Variants in PRR16 observed in about 807,000 individuals in gnomAD.
The protein encoded by PRR16 is protein Largen.
Under a neutral mutation model 18.2 loss-of-function variants are expected in PRR16, and 6 were observed. The ratio of observed to expected loss-of-function variants is 0.33; its 90% CI spans 0.18 to 0.65. The LOEUF (loss-of-function observed/expected upper bound fraction) is 0.65, where lower values mean the gene tolerates loss of function less well. Ranked by LOEUF, PRR16 falls within the 30% of genes least tolerant of loss-of-function variation. The probability of loss-of-function intolerance (pLI) is 0.74; values close to 1 mark genes in which losing one functional copy is unlikely to be tolerated. For missense variants in PRR16, 412 were observed against 376.6 expected, an observed-to-expected ratio of 1.09 and a Z score of -0.78; for synonymous variants, 151 against 147.8, an observed-to-expected ratio of 1.02 and a Z score of -0.16.
At chr5:120,539,797 T>G (rs577966374) in intron 1 of PRR16, among the ~76,000 whole-genome samples, 1 of 152,358 alleles carries the variant, frequency 6.6e-6, no homozygotes, top group South Asian at 2.1e-4. Flanking sequence ...GTGTATAATG[T>G]AATTGGATGT....
At chr5:120,641,828 T>C (rs566213709) in intron 1 of PRR16, among the ~76,000 whole-genome samples, 9 of 152,228 alleles carry the variant, frequency 5.9e-5, no homozygotes, top group African/African-American at 2.2e-4. Flanking sequence ...GACCTCAAGG[T>C]TGGCATCTTT....
chr5:120,591,049 G>T (rs1018597902), intron 1 of PRR16, among the ~76,000 whole-genome samples: 24 of 151,998 alleles, frequency 1.6e-4, no homozygotes, highest in African/African-American at 5.8e-4. Context: ...GGAGGCCGAG[G>T]TGGGCAGATC....
chr5:120,722,441 A>G, the PRR16 span, among the ~76,000 whole-genome samples: 7 of 152,034 alleles, frequency 4.6e-5, no homozygotes, highest in Non-Finnish European at 1.0e-4. Flanking sequence ...AGCCACAGTA[A>G]CTGTGGTTCA....
chr5:120,636,400 A>C lies in PRR16; in HGVS notation c.160-49554A>C, dbSNP rs565224055. On this transcript the variant is annotated intron_variant, in intron 1 of 1. Coordinates refer to ENST00000407149, the MANE Select transcript of PRR16 (RefSeq NM_001300783.2). ...TATACTATGAGGCCATAGTCACCAA[A>C]ACAGCATAGTAGCAGTATAAAAATA... Among the ~76,000 whole-genome samples the C allele has an allele frequency of 3.3e-5, 5 of 152,332 alleles. No individual in the cohort carries two copies. In the East Asian group the frequency reaches 9.6e-4, roughly 29 times the overall value.
At chr5:120,775,794 C>CTTT in the PRR16 span, among the ~76,000 whole-genome samples, 62 of 122,548 alleles carry the variant, frequency 5.1e-4, no homozygotes, top group Middle Eastern at 4.5e-3. Context: ...CTACGCCTGG[C>CTTT]TATTTTTTTT....
At chr5:120,693,579 G>A in the PRR16 span, among the ~76,000 whole-genome samples, 4 of 152,194 alleles carry the variant, frequency 2.6e-5, no homozygotes, top group Non-Finnish European at 4.4e-5. Flanking sequence ...TTCATTCTTT[G>A]TATAGGTCAG....
chr5:120,774,521 C>T, the PRR16 span, among the ~76,000 whole-genome samples: 9 of 152,126 alleles, frequency 5.9e-5, no homozygotes, highest in Admixed American at 3.9e-4. Context: ...AGAAGCCACC[C>T]GATGCTACTG....
At chr5:120,564,872 G>A (rs908321578) in intron 1 of PRR16, among the ~76,000 whole-genome samples, 2 of 151,868 alleles carry the variant, frequency 1.3e-5, no homozygotes, top group African/African-American at 4.8e-5. Flanking sequence ...TGTAGTCCCA[G>A]CTACTCGGGA....
chr5:120,695,588 T>A, the PRR16 span, among the ~76,000 whole-genome samples: 2 of 152,168 alleles, frequency 1.3e-5, no homozygotes, highest in Non-Finnish European at 1.5e-5. Flanking sequence ...CAATACCCAA[T>A]GGAGAAACTT....
intron 1 of PRR16, among the ~76,000 whole-genome samples, chr5:120,511,092 C>CA (rs1255447232): frequency 6.6e-6 from 1 of 152,128 alleles, no homozygotes; most frequent in African/African-American, 2.4e-5. Context: ...AGCAGAATGT[C>CA]AGTGTATTAA....
intron 1 of PRR16, among the ~76,000 whole-genome samples, chr5:120,650,971 A>C (rs1580832825): frequency 6.6e-6 from 1 of 152,226 alleles, no homozygotes; most frequent in Middle Eastern, 3.4e-3. Flanking sequence ...CTATTTCTCC[A>C]CATCCTCTCC....
At chr5:120,679,320 T>A (rs969559642) in intron 1 of PRR16, among the ~76,000 whole-genome samples, 1 of 152,198 alleles carries the variant, frequency 6.6e-6, no homozygotes, top group African/African-American at 2.4e-5. Context: ...TGCCATGCTA[T>A]CTTCTCACCT....
the PRR16 span, among the ~76,000 whole-genome samples, chr5:120,757,943 G>T: frequency 1.3e-5 from 2 of 152,024 alleles, no homozygotes; most frequent in Non-Finnish European, 2.9e-5. Flanking sequence ...ATTAACCTAT[G>T]ATTTATGAGA....
chr5:120,603,936 T>A (rs1052947738), intron 1 of PRR16, among the ~76,000 whole-genome samples: 5 of 152,006 alleles, frequency 3.3e-5, no homozygotes, highest in African/African-American at 1.2e-4. Flanking sequence ...ATGATTTTGG[T>A]TTTTTTGAAT....
At position 120,555,360 on chromosome 5, in the gene PRR16, A is replaced by T. The variant is rs138495652; in HGVS notation, c.159+90715A>T. 6.1e-3 allele frequency among the ~76,000 whole-genome samples: 927 copies of T among 152,072 alleles called. 2 individuals carry two copies. Among genetic ancestry groups the T allele is most frequent in the Non-Finnish European group, 0.01 (699 of 67,928 alleles). ...AGGCTGCCACGACAAAATAATATAA[A>T]CCGTGTGGCTTAAGCAATGGGAATT... is the stretch of plus-strand genomic sequence containing the variant. On this transcript the variant is annotated intron_variant, in intron 1 of 1. Transcript: ENST00000407149.
chr5:120,637,618 A>G (rs1305739077), intron 1 of PRR16, among the ~76,000 whole-genome samples: 2 of 139,762 alleles, frequency 1.4e-5, no homozygotes, highest in African/African-American at 5.1e-5. Context: ...AGGCATAAGA[A>G]TGATACATTG....
At chr5:120,702,655 G>C in the PRR16 span, among the ~76,000 whole-genome samples, 1 of 152,160 alleles carries the variant, frequency 6.6e-6, no homozygotes, top group Non-Finnish European at 1.5e-5. Context: ...ACCGGCGCCG[G>C]AGTTTTGGGT....
At chr5:120,559,302 C>T (rs1752506254) in intron 1 of PRR16, among the ~76,000 whole-genome samples, 4 of 151,718 alleles carry the variant, frequency 2.6e-5, no homozygotes, top group Admixed American at 2.6e-4. Context: ...GTCTTTAATC[C>T]ATTTTGATTG....
At chr5:120,594,560 C>T (rs1753740451) in intron 1 of PRR16, among the ~76,000 whole-genome samples, 1 of 152,028 alleles carries the variant, frequency 6.6e-6, no homozygotes, top group Non-Finnish European at 1.5e-5. Context: ...CAATGCTATT[C>T]CTATAAAACT....
Sources: allele counts gnomAD v4.1 joint callset (sites outside exome capture counted in the v4.1 genomes callset), GRCh38; gene constraint gnomAD v4.1.1; transcripts MANE v1.5; gene names NCBI Gene and HGNC (gene_info 2026-07-23, HGNC 2026-07-21).